GALNT17: variants seen among roughly 807,000 people sequenced by gnomAD.
The protein encoded by GALNT17 is polypeptide N-acetylgalactosaminyltransferase 17.
GALNT17 carries 29 observed loss-of-function variants against 63.7 expected under a neutral mutation model. The observed-to-expected ratio is 0.46, with a 90% CI of 0.34 to 0.62. The LOEUF (loss-of-function observed/expected upper bound fraction) is 0.62. Ranked by LOEUF, GALNT17 falls within the 20% of genes least tolerant of loss-of-function variation. The pLI, the probability that GALNT17 is intolerant of heterozygous loss-of-function variation, is 0.01. For synonymous variants in GALNT17, 305 were observed against 318.3 expected (o/e 0.96, Z 0.45); for missense variants, 603 against 799.6 (o/e 0.75, Z 2.97).
At chr7:71,158,390 T>A (rs1788276000) in intron 1 of GALNT17, among the ~76,000 whole-genome samples, 1 of 151,398 alleles carries the variant, frequency 6.6e-6, no homozygotes, top group African/African-American at 2.4e-5. Flanking sequence ...ATGTTTCTTT[T>A]CTTTCTTTTT....
chr7:71,155,310 G>A (rs191367351), intron 1 of GALNT17, among the ~76,000 whole-genome samples: 97 of 151,788 alleles, frequency 6.4e-4, no homozygotes, highest in South Asian at 6.0e-3. Context: ...GTCTCACTCC[G>A]TTGCCCAGGC....
chr7:71,448,035 ATAACTATTT>A lies in GALNT17; in HGVS notation c.962+26932_962+26940del, dbSNP rs1377597878. On this transcript the variant is annotated intron_variant, in intron 5 of 10. Coordinates refer to ENST00000333538, the MANE Select transcript of GALNT17 (RefSeq NM_022479.3). ...TCATTTTATTGGTGCATATCTTCAA[ATAACTATTT>A]TTAGTGCTTGTATGTGTAAAAATGT... Among the ~76,000 whole-genome samples the A allele has an allele frequency of 3.9e-5, 6 of 152,256 alleles. No homozygotes were observed. In the South Asian group the frequency reaches 1.2e-3, roughly 32 times the overall value.
In GALNT17 at chr7:71,138,704, T is replaced by A. The variant is rs186864610; in HGVS notation, c.238+5664T>A. On this transcript the variant is annotated intron_variant, in intron 1 of 10. Coordinates refer to ENST00000333538, the MANE Select transcript of GALNT17 (RefSeq NM_022479.3). ...AAGTGGACCTAGTGGTCGGGCACAG[T>A]GGCTCACGCCTGTAATCCCAGCATT... 2.8e-4 allele frequency among the ~76,000 whole-genome samples: 42 copies of A among 152,348 alleles called. No homozygotes were observed. The East Asian group carries it at 4.3e-3, about 15-fold the overall frequency.
rs752114780 is a variant in GALNT17 at position 71,710,918 on chromosome 7, A to C, written c.1658A>C (p.Asn553Thr). Residue 553 changes from asparagine (N) to threonine (T), a missense_variant, in exon 10 of 11, where the codon AAC (asparagine) becomes ACC (threonine). Asn to Thr is a moderately conservative substitution (Grantham distance 65). Transcript: ENST00000333538. ...KVKSSLYKRWNFIQNGAIMNK... is the reference protein window; with the variant it reads ...KVKSSLYKRWTFIQNGAIMNK... ...AAGAGCAGCCTGTACAAGCGCTGGA[A>C]CTTCATCCAGGTGAGTGCTGTATGG... 22 of 1,613,602 alleles carry C rather than the reference A, an allele frequency of 1.4e-5. No individual in the cohort carries two copies. The highest frequency in any genetic ancestry group is 5.3e-5 in the African/African-American group (4 of 74,928).
chr7:71,256,084 C>G (rs1192205102), intron 1 of GALNT17, among the ~76,000 whole-genome samples: 2 of 152,202 alleles, frequency 1.3e-5, no homozygotes, highest in Non-Finnish European at 2.9e-5. Context: ...AAACCTTGGT[C>G]TCCACAACTC....
At chr7:71,167,060 T>C (rs998360907) in intron 1 of GALNT17, among the ~76,000 whole-genome samples, 1 of 148,300 alleles carries the variant, frequency 6.7e-6, no homozygotes, top group Non-Finnish European at 1.5e-5. Flanking sequence ...TTTTTTTTTT[T>C]TTTTTTTGGA....
chr7:71,491,133 G>T (rs1787998986), intron 5 of GALNT17, among the ~76,000 whole-genome samples: 1 of 152,200 alleles, frequency 6.6e-6, no homozygotes, highest in East Asian at 1.9e-4. Context: ...GGCAGAGGTT[G>T]CAGTGAGCCG....
intron 5 of GALNT17, among the ~76,000 whole-genome samples, chr7:71,564,671 C>T (rs1584053737): frequency 6.6e-6 from 1 of 152,288 alleles, no homozygotes; most frequent in Middle Eastern, 3.4e-3. Context: ...TTACCTCCTG[C>T]CCATTCATCT....
intron 9 of GALNT17, among the ~76,000 whole-genome samples, chr7:71,700,733 C>T (rs1300965465): frequency 6.6e-6 from 1 of 152,192 alleles, no homozygotes; most frequent in Non-Finnish European, 1.5e-5. Context: ...AATGCCTTCT[C>T]CTCTGGGAAT....
At chr7:71,676,148 A>G (rs641979) in intron 8 of GALNT17, among the ~76,000 whole-genome samples, 142,303 of 152,102 alleles carry the variant, frequency 0.94, 67,161 homozygotes, top group Non-Finnish European at 1. Context: ...ATGGATACCC[A>G]TATAGATCAC....
intron 5 of GALNT17, among the ~76,000 whole-genome samples, chr7:71,547,885 CT>C (rs1194624403): frequency 6.6e-6 from 1 of 151,850 alleles, no homozygotes; most frequent in Non-Finnish European, 1.5e-5. Flanking sequence ...ACTTATAGCA[CT>C]AATATTGTGT....
chr7:71,479,978 C>T (rs992372803), intron 5 of GALNT17, among the ~76,000 whole-genome samples: 11 of 152,050 alleles, frequency 7.2e-5, no homozygotes, highest in Non-Finnish European at 1.6e-4. Context: ...GGAGTAAACC[C>T]CATCTCAACA....
chr7:71,149,850 T>C (rs1788098656), intron 1 of GALNT17, among the ~76,000 whole-genome samples: 1 of 152,110 alleles, frequency 6.6e-6, no homozygotes, highest in African/African-American at 2.4e-5. Context: ...TGCACATCCA[T>C]TGTGTTTGTA....
intron 5 of GALNT17, among the ~76,000 whole-genome samples, chr7:71,437,347 C>T (rs1298507564): frequency 6.6e-6 from 1 of 152,186 alleles, no homozygotes; most frequent in Non-Finnish European, 1.5e-5. Flanking sequence ...TACAATTTCT[C>T]CCACCATCCT....
At chr7:71,666,687 C>A (rs1230121208) in intron 7 of GALNT17, among the ~76,000 whole-genome samples, 2 of 152,132 alleles carry the variant, frequency 1.3e-5, no homozygotes, top group African/African-American at 4.8e-5. Context: ...ACTCTCGAAT[C>A]TCATCCAGGT....
intron 1 of GALNT17, among the ~76,000 whole-genome samples, chr7:71,264,584 C>T (rs193048760): frequency 6.6e-6 from 1 of 152,154 alleles, no homozygotes; most frequent in Non-Finnish European, 1.5e-5. Context: ...ACTAAGTGTC[C>T]AGCAACAGAG....
rs148416770 is a variant in GALNT17, at chr7:71,435,691, T to A, written c.962+14586T>A. Among the ~76,000 whole-genome samples, 173 of 152,092 alleles carry A rather than the reference T, an allele frequency of 1.1e-3. 1 individual carries two copies. The highest frequency in any genetic ancestry group is 4.0e-3 in the African/African-American group (167 of 41,486). On this transcript the variant is annotated intron_variant, in intron 5 of 10. Transcript: ENST00000333538. The stretch of plus-strand genomic sequence containing the variant: ...GACCCAACCAATCAACACTCTCAAC[T>A]CACTGGCCTTCCCCCACCGAAGTTG...
chr7:71,371,983 A>G (rs1792631978), intron 2 of GALNT17, among the ~76,000 whole-genome samples: 1 of 152,122 alleles, frequency 6.6e-6, no homozygotes, highest in Admixed American at 6.6e-5. Flanking sequence ...TTAGAATTAG[A>G]GTTATTATGT....
intron 5 of GALNT17, among the ~76,000 whole-genome samples, chr7:71,560,581 G>T (rs191042958): frequency 6.6e-6 from 1 of 152,188 alleles, no homozygotes; most frequent in African/African-American, 2.4e-5. Context: ...TCCTAGTGGC[G>T]CAGGCACAGG....
Sources: allele counts gnomAD v4.1 joint callset (sites outside exome capture counted in the v4.1 genomes callset), GRCh38; gene constraint gnomAD v4.1.1; transcripts MANE v1.5; gene names NCBI Gene and HGNC (gene_info 2026-07-23, HGNC 2026-07-21).